The following NFIA variants were observed in gnomAD, a reference collection of about 807,000 sequenced individuals.
NFIA encodes nuclear factor 1 A-type.
NFIA carries 8 observed loss-of-function variants against 62.8 expected under a neutral mutation model. The ratio of observed to expected loss-of-function variants is 0.13; its 90% confidence interval spans 0.07 to 0.23. The LOEUF is 0.23. NFIA is among the 10% of genes least tolerant of loss of function. NFIA has a pLI of 1.00. For missense variants in NFIA, 410 were observed against 642.1 expected (o/e 0.64, Z 3.91); for synonymous variants, 235 against 238.1 (o/e 0.99, Z 0.12).
At chr1:61,332,469 T>C in intron 3 of NFIA, 43 bp from the exon 4 acceptor site, 1 of 1,553,126 alleles carries the variant, frequency 6.4e-7, no homozygotes, top group Non-Finnish European at 8.9e-7. Context: ...TCAAATGTCT[T>C]GTATTTATGA....
At chr1:61,353,079 G>A (rs146672187) in intron 5 of NFIA, among the ~76,000 whole-genome samples, 43 of 152,212 alleles carry the variant, frequency 2.8e-4, no homozygotes, top group African/African-American at 1.0e-3. Flanking sequence ...GACAGTCTCA[G>A]TGTCATGCCC....
At chr1:61,344,657 C>G (rs1662116822) in intron 4 of NFIA, among the ~76,000 whole-genome samples, 1 of 152,198 alleles carries the variant, frequency 6.6e-6, no homozygotes, top group African/African-American at 2.4e-5. Context: ...TGATGCCTGG[C>G]TCACTAAAAG....
intron 2 of NFIA, among the ~76,000 whole-genome samples, chr1:61,223,567 C>T (rs538993954): frequency 5.0e-4 from 76 of 152,142 alleles, no homozygotes; most frequent in African/African-American, 1.8e-3. Context: ...ATAAGATAAA[C>T]ATTTCAAATT....
intron 2 of NFIA, chr1:61,249,218 G>A (rs891471740): frequency 2.6e-5 from 4 of 152,036 alleles, no homozygotes; most frequent in African/African-American, 4.8e-5. Context: ...CTTACTGATT[G>A]AAAAAATGGC....
intron 4 of NFIA, 125 bp from the exon 5 acceptor site, chr1:61,352,321 CTGAT>C (rs1662586716): frequency 1.6e-6 from 1 of 639,778 alleles, no homozygotes. Context: ...TAGTTTATTA[CTGAT>C]TATTTTCGAT....
chr1:61,164,894 G>T (rs2100541544), intron 2 of NFIA, among the ~76,000 whole-genome samples: 1 of 152,322 alleles, frequency 6.6e-6, no homozygotes, highest in South Asian at 2.1e-4. Flanking sequence ...AGGACCTGAA[G>T]ACCCTGTGGC....
chr1:61,405,517 A>G (rs1665772540), intron 8 of NFIA, among the ~76,000 whole-genome samples: 1 of 152,216 alleles, frequency 6.6e-6, no homozygotes, highest in Non-Finnish European at 1.5e-5. Context: ...AGCCTGGGAC[A>G]GCAGAATCTC....
At chr1:61,145,819 A>C (rs553606859) in intron 2 of NFIA, among the ~76,000 whole-genome samples, 1 of 152,308 alleles carries the variant, frequency 6.6e-6, no homozygotes, top group South Asian at 2.1e-4. Context: ...GAACGCTGTC[A>C]CATTTTCTCT....
intron 9 of NFIA, among the ~76,000 whole-genome samples, chr1:61,408,420 A>G (rs1665950236): frequency 6.6e-6 from 1 of 152,200 alleles, no homozygotes; most frequent in South Asian, 2.1e-4. Flanking sequence ...CAAGTCAGAG[A>G]AATAACTGCC....
chr1:61,456,575 A>T lies in NFIA; in HGVS notation c.*1255A>T, dbSNP rs1484148030. The stretch of plus-strand genomic sequence containing the variant: ...TTTTACACCTATCTGGCATCATAGG[A>T]TTTATCAGTTATCAGACACCTCATT... On this transcript the variant is annotated 3_prime_UTR_variant, in exon 11 of 11. Transcript: ENST00000403491. 2 of 151,594 alleles carry T rather than the reference A, an allele frequency of 1.3e-5. No homozygotes were observed. The highest frequency in any genetic ancestry group is 4.8e-5 in the African/African-American group (2 of 41,322). 9.4% of individuals were successfully genotyped at this position (151,594 alleles called of 1,614,324 possible).
chr1:61,366,058 C>T (rs141142277), intron 6 of NFIA, among the ~76,000 whole-genome samples: 126 of 152,220 alleles, frequency 8.3e-4, no homozygotes, highest in African/African-American at 2.9e-3. Context: ...GAAAGTGAGA[C>T]TTGTCTCTTA....
chr1:61,139,825 C>G (rs1406111896), intron 2 of NFIA, among the ~76,000 whole-genome samples: 1 of 149,954 alleles, frequency 6.7e-6, no homozygotes, highest in East Asian at 2.0e-4. Flanking sequence ...GCATATTTTT[C>G]CTGCCATCTC....
At chr1:61,226,635 C>G (rs1654350768) in intron 2 of NFIA, among the ~76,000 whole-genome samples, 1 of 152,194 alleles carries the variant, frequency 6.6e-6, no homozygotes. Context: ...ATTTGGCAAC[C>G]AACCCCTCCC....
intron 6 of NFIA, among the ~76,000 whole-genome samples, chr1:61,365,272 T>A (rs1442850695): frequency 6.6e-6 from 1 of 152,140 alleles, no homozygotes; most frequent in African/African-American, 2.4e-5. Flanking sequence ...CGGTGATGCT[T>A]GTGCATGTTA....
chr1:61,318,215 A>G (rs570043288), intron 3 of NFIA, among the ~76,000 whole-genome samples: 2 of 151,956 alleles, frequency 1.3e-5, no homozygotes, highest in South Asian at 4.1e-4. Flanking sequence ...TAGATATATA[A>G]CTTACTTAAG....
intron 3 of NFIA, among the ~76,000 whole-genome samples, chr1:61,293,074 A>G (rs1177457461): frequency 6.6e-6 from 1 of 152,184 alleles, no homozygotes; most frequent in East Asian, 1.9e-4. Flanking sequence ...GTAAAGTCTC[A>G]GAACATACTA....
chr1:61,406,543 G>GGGGCC lies in NFIA; in HGVS notation c.1255-19_1255-18insGGGCC. 1 of 876,652 alleles carries GGGGCC rather than the reference G, an allele frequency of 1.1e-6. No individual in the cohort carries two copies. The highest frequency in any genetic ancestry group is 1.5e-6 in the Non-Finnish European group (1 of 653,742). The allele number at this position is 876,652 out of a possible 1,614,324, so 54.3% of individuals were successfully genotyped here. On this transcript the variant is annotated intron_variant, in intron 8 of 10. Transcript: ENST00000403491. ...TCTTTTTCTTGTACGTGTGTTTTCTGCCCCCCCCCCCCCCACAGCCCAATG... is the reference window on the plus strand; with the variant it reads ...TCTTTTTCTTGTACGTGTGTTTTCTGGGGCCCCCCCCCCCCCCCCACAGCCCAATG...
intron 6 of NFIA, among the ~76,000 whole-genome samples, chr1:61,364,711 C>T (rs1393714860): frequency 1.3e-5 from 2 of 152,050 alleles, no homozygotes; most frequent in Non-Finnish European, 2.9e-5. Flanking sequence ...GTATTAGCTC[C>T]GTATTAAGAA....
At chr1:61,193,636 A>T (rs183834946) in intron 2 of NFIA, among the ~76,000 whole-genome samples, 21 of 152,348 alleles carry the variant, frequency 1.4e-4, no homozygotes, top group Non-Finnish European at 2.9e-4. Context: ...GAGATGAAGG[A>T]TTATCAGTTG....
Sources: allele counts gnomAD v4.1 joint callset (sites outside exome capture counted in the v4.1 genomes callset), GRCh38; gene constraint gnomAD v4.1.1; transcripts MANE v1.5; gene names NCBI Gene and HGNC (gene_info 2026-07-23, HGNC 2026-07-21).